PAQR5: variants seen among roughly 807,000 people sequenced by gnomAD.
PAQR5 encodes the protein membrane progestin receptor gamma.
PAQR5 carries 20 observed loss-of-function variants against 34.5 expected under a neutral mutation model. The observed-to-expected ratio is 0.58, with a 90% confidence interval of 0.41 to 0.84. The LOEUF (loss-of-function observed/expected upper bound fraction) is 0.84. Among genes scored for constraint, PAQR5 ranks in the 40% least tolerant of loss-of-function variants. The probability of loss-of-function intolerance (pLI) is 0.00; values close to 1 mark genes in which losing one functional copy is unlikely to be tolerated. For missense variants in PAQR5, 378 were observed against 412.7 expected, an observed-to-expected ratio of 0.92 and a Z score of 0.73; for synonymous variants, 131 against 155.6, an observed-to-expected ratio of 0.84 and a Z score of 1.18.
chr15:69,396,057 C>T (rs1174763923), intron 6 of PAQR5, among the ~76,000 whole-genome samples: 1 of 151,682 alleles, frequency 6.6e-6, no homozygotes, highest in Non-Finnish European at 1.5e-5. Context: ...ATCCTCAGAC[C>T]TGCTTCTGTG....
At chr15:69,355,352 C>T (rs570862389) in intron 2 of PAQR5, among the ~76,000 whole-genome samples, 43 of 29,400 alleles carry the variant, frequency 1.5e-3, no homozygotes, top group Admixed American at 2.4e-3. Context: ...TTTTTTCTTT[C>T]TTTCTTTCTT....
chr15:69,371,852 C>G (rs2055572024), intron 3 of PAQR5, among the ~76,000 whole-genome samples: 1 of 152,122 alleles, frequency 6.6e-6, no homozygotes, highest in Admixed American at 6.5e-5. Context: ...TAACAAATAT[C>G]AGTTGAGAGC....
chr15:69,360,955 AG>A (rs1366172646), intron 3 of PAQR5, among the ~76,000 whole-genome samples: 1 of 152,178 alleles, frequency 6.6e-6, no homozygotes, highest in African/African-American at 2.4e-5. Context: ...TGGAAGGTTG[AG>A]GGGGAAATTG....
rs1380435315 is a variant in PAQR5 at position 69,368,572 on chromosome 15, CCTT to C, written c.51+8444_51+8446del. On this transcript the variant is annotated intron_variant, in intron 3 of 8. Transcript: ENST00000395407. ...CACATCAAAACCATTTATATCTTCT[CCTT>C]CTGGAGAAATGTTCTCTGTGTCTCT... Among the ~76,000 whole-genome samples the C allele has an allele frequency of 3.9e-4, 60 of 152,196 alleles. No homozygotes were observed. The Middle Eastern group carries it at 0.01, about 26-fold the overall frequency.
intron 2 of PAQR5, among the ~76,000 whole-genome samples, chr15:69,350,287 G>A (rs1401858220): frequency 6.6e-6 from 1 of 152,158 alleles, no homozygotes; most frequent in East Asian, 1.9e-4. Context: ...AGTCTACTAC[G>A]ATCTTACTTG....
chr15:69,355,827 C>G (rs2140820166), intron 2 of PAQR5, among the ~76,000 whole-genome samples: 1 of 152,058 alleles, frequency 6.6e-6, no homozygotes, highest in South Asian at 2.1e-4. Context: ...TAAAGCATGA[C>G]TACTCCCCTC....
intron 1 of PAQR5, among the ~76,000 whole-genome samples, chr15:69,335,236 G>T (rs888619028): frequency 7.3e-6 from 1 of 136,088 alleles, no homozygotes; most frequent in South Asian, 2.5e-4. Flanking sequence ...AGATTTAAAA[G>T]AAATTTTAGC....
At chr15:69,386,246 CCACACACACACAT>C (rs2056105449) in intron 5 of PAQR5, among the ~76,000 whole-genome samples, 1 of 150,592 alleles carries the variant, frequency 6.6e-6, no homozygotes, top group African/African-American at 2.4e-5. Flanking sequence ...CACACACACA[CCACACACACACAT>C]CACACACACC....
chr15:69,346,592 A>G (rs909226118), intron 2 of PAQR5, among the ~76,000 whole-genome samples: 3 of 150,094 alleles, frequency 2.0e-5, no homozygotes, highest in Non-Finnish European at 3.0e-5. Flanking sequence ...TTAATGTATT[A>G]TAAGCGTGAG....
intron 3 of PAQR5, among the ~76,000 whole-genome samples, chr15:69,365,513 T>C (rs1355632481): frequency 6.6e-6 from 1 of 152,268 alleles, no homozygotes; most frequent in Non-Finnish European, 1.5e-5. Context: ...AATTTGCTAA[T>C]GTTAAACCAA....
intron 1 of PAQR5, among the ~76,000 whole-genome samples, chr15:69,306,855 T>C (rs2053728525): frequency 6.6e-6 from 1 of 152,140 alleles, no homozygotes; most frequent in Non-Finnish European, 1.5e-5. Flanking sequence ...TCCCCTCCCC[T>C]GGCCCCTTGC....
At chr15:69,312,614 AC>A (rs2053857247) in intron 1 of PAQR5, among the ~76,000 whole-genome samples, 1 of 135,450 alleles carries the variant, frequency 7.4e-6, no homozygotes, top group African/African-American at 2.8e-5. Flanking sequence ...CCCCATGAAA[AC>A]CCCCCTTCTC....
intron 2 of PAQR5, among the ~76,000 whole-genome samples, chr15:69,356,620 G>A (rs1448802295): frequency 6.6e-6 from 1 of 152,042 alleles, no homozygotes; most frequent in East Asian, 1.9e-4. Context: ...GAAACTCTGT[G>A]TCCTTTAAAT....
At chr15:69,317,064 C>A (rs185358827) in intron 1 of PAQR5, among the ~76,000 whole-genome samples, 20 of 152,320 alleles carry the variant, frequency 1.3e-4, no homozygotes, top group Admixed American at 3.9e-4. Flanking sequence ...AGGTGATCTG[C>A]CCGCCTCAGC....
In PAQR5 at chr15:69,387,123, G is replaced by C. The variant is rs11856167; in HGVS notation, c.385+2241G>C. 7.8e-3 allele frequency among the ~76,000 whole-genome samples: 1,195 copies of C among 152,286 alleles called. 17 individuals are homozygous for C. The highest frequency in any genetic ancestry group is 0.027 in the African/African-American group (1,125 of 41,574). On this transcript the variant is annotated intron_variant, in intron 5 of 8. Coordinates refer to ENST00000395407, the MANE Select transcript of PAQR5 (RefSeq NM_017705.4). ...CCTTCTCCACCTCACCCAGCCCCTGGAGGCTTCCACAACACCTTCTACCAC... is the reference window on the plus strand; with the variant it reads ...CCTTCTCCACCTCACCCAGCCCCTGCAGGCTTCCACAACACCTTCTACCAC...
At chr15:69,345,585 AT>A (rs2054748806) in intron 2 of PAQR5, among the ~76,000 whole-genome samples, 1 of 152,066 alleles carries the variant, frequency 6.6e-6, no homozygotes, top group Non-Finnish European at 1.5e-5. Flanking sequence ...CCTGAGGGTG[AT>A]TTTGCTGTTG....
intron 8 of PAQR5, 54 bp downstream of exon 8, chr15:69,400,169 G>A: frequency 1.3e-6 from 2 of 1,559,078 alleles, no homozygotes; most frequent in Non-Finnish European, 1.7e-6. Flanking sequence ...ACTGGGGAGG[G>A]TCCTGTCCCT....
intron 1 of PAQR5, among the ~76,000 whole-genome samples, chr15:69,307,003 T>A (rs182649363): frequency 9.8e-5 from 15 of 152,352 alleles, no homozygotes; most frequent in African/African-American, 3.6e-4. Context: ...ATAATTTCAC[T>A]TAGCATAGTG....
intron 3 of PAQR5, among the ~76,000 whole-genome samples, chr15:69,366,209 A>C (rs72756390): frequency 0.038 from 5,842 of 152,286 alleles, 237 homozygotes; most frequent in East Asian, 0.16. Context: ...TTGTGCAAAT[A>C]TGTGGCCTTT....
Sources: allele counts gnomAD v4.1 joint callset (sites outside exome capture counted in the v4.1 genomes callset), GRCh38; gene constraint gnomAD v4.1.1; transcripts MANE v1.5; gene names NCBI Gene and HGNC (gene_info 2026-07-23, HGNC 2026-07-21).